JAKMIP1: variants seen among roughly 807,000 people sequenced by gnomAD.
JAKMIP1 encodes janus kinase and microtubule-interacting protein 1.
JAKMIP1 carries 33 observed loss-of-function variants against 113.0 expected under a neutral mutation model. The observed-to-expected ratio is 0.29, with a 90% confidence interval of 0.22 to 0.39. The LOEUF (loss-of-function observed/expected upper bound fraction) is 0.39, where lower values mean the gene tolerates loss of function less well. Ranked by LOEUF, JAKMIP1 falls within the 10% of genes least tolerant of loss-of-function variation. The probability of loss-of-function intolerance (pLI) is 1.00; values close to 1 mark genes in which losing one functional copy is unlikely to be tolerated. For missense variants in JAKMIP1, 813 were observed against 1,080.5 expected (o/e 0.75, Z 3.47); for synonymous variants, 480 against 459.9 (o/e 1.04, Z -0.56).
chr4:6,078,903 C>A (rs116152057), intron 8 of JAKMIP1, 36 bp downstream of exon 8: 352 of 1,611,252 alleles, frequency 2.2e-4, no homozygotes, highest in Admixed American at 3.7e-4. Flanking sequence ...CGTGACACAG[C>A]GGCAAGGTAG....
intron 1 of JAKMIP1, among the ~76,000 whole-genome samples, chr4:6,191,619 T>C (rs761880422): frequency 3.3e-5 from 5 of 152,078 alleles, no homozygotes; most frequent in Admixed American, 1.3e-4. Context: ...ACAGACCTCA[T>C]AGAAGGCAGA....
At chr4:6,119,765 A>G (rs1716430505) in intron 1 of JAKMIP1, among the ~76,000 whole-genome samples, 6 of 152,210 alleles carry the variant, frequency 3.9e-5, no homozygotes, top group Admixed American at 3.9e-4. Flanking sequence ...CACAACCTGC[A>G]AGGTGAGATC....
rs1404612094 is a variant in JAKMIP1 at position 6,116,521 on chromosome 4, G to A, written c.-147-3524C>T. On this transcript the variant is annotated intron_variant, in intron 1 of 20. Coordinates refer to ENST00000409021, the MANE Select transcript of JAKMIP1 (RefSeq NM_001099433.2). The surrounding 1 kb of genome is among the most constrained non-coding windows in gnomAD (Gnocchi z 5.1). The stretch of plus-strand genomic sequence containing the variant: ...GGGGACCTTGGACCTGCTGACCCTG[G>A]ACCTTGTCTGGCATATAGGCCAAGG... Among the ~76,000 whole-genome samples the A allele has an allele frequency of 6.6e-6, 1 of 152,170 alleles. No individual in the cohort carries two copies. Among genetic ancestry groups the A allele is most frequent in the African/African-American group, 2.4e-5 (1 of 41,442 alleles).
rs1720618457 is a variant in JAKMIP1, at chr4:6,081,935, T to C, written c.955-180A>G. ...CAAGTTCTCAGCCTCAGTTTCCTCA[T>C]CTATCAAATGAGAATCACGGCAGCT... is the stretch of plus-strand genomic sequence containing the variant. On this transcript the variant is annotated intron_variant, in intron 5 of 20. Transcript: ENST00000409021. This position sits in a 1 kb window ranked among gnomAD's most constrained non-coding sequence, Gnocchi z 4.6. Among the ~76,000 whole-genome samples, 1 of 152,200 alleles carries C rather than the reference T, an allele frequency of 6.6e-6. No homozygotes were observed.
rs989939474 is a variant in JAKMIP1, at chr4:6,136,344, T to C, written c.-147-23347A>G. 1.3e-5 allele frequency among the ~76,000 whole-genome samples: 2 copies of C among 152,070 alleles called. No homozygotes were observed. Among genetic ancestry groups the C allele is most frequent in the East Asian group, 3.9e-4 (2 of 5,186 alleles). ...CAGTCTGCTTGAACCCAAAAGACCA[T>C]GGGAATATTTAAGTACTTCTGACAA... On this transcript the variant is annotated intron_variant, in intron 1 of 20. Coordinates refer to ENST00000409021, the MANE Select transcript of JAKMIP1 (RefSeq NM_001099433.2). The surrounding 1 kb of genome is among the most constrained non-coding windows in gnomAD (Gnocchi z 5.9).
chr4:6,038,130 C>A (rs1484773447), intron 18 of JAKMIP1, among the ~76,000 whole-genome samples: 1 of 133,584 alleles, frequency 7.5e-6, no homozygotes, highest in African/African-American at 3.1e-5. Context: ...AGTAGCCCTC[C>A]ATCACTGAGG....
chr4:6,158,595 C>A lies in JAKMIP1; in HGVS notation c.-148+41658G>T, dbSNP rs1488638394. Among the ~76,000 whole-genome samples, 1 of 152,156 alleles carries A rather than the reference C, an allele frequency of 6.6e-6. No individual in the cohort carries two copies. The highest frequency in any genetic ancestry group is 2.4e-5 in the African/African-American group (1 of 41,452). ...GGCCTGCGGGAGTGGTCAACTCCAT[C>A]CCATAGGGCCATTTCTCCACCCCCC... On this transcript the variant is annotated intron_variant, in intron 1 of 20. Transcript: ENST00000409021. The surrounding 1 kb of genome is among the most constrained non-coding windows in gnomAD (Gnocchi z 5.3).
rs13116330 is a variant in JAKMIP1, at chr4:6,067,624, G to C, written c.1303-2616C>G. ...ACACAGGTCACCCCCCTGAGCTCCAGGTTCACTCAAGCTCTTCTGCACACA... is the reference window on the plus strand; with the variant it reads ...ACACAGGTCACCCCCCTGAGCTCCACGTTCACTCAAGCTCTTCTGCACACA... On this transcript the variant is annotated intron_variant, in intron 8 of 20. Transcript: ENST00000409021. The surrounding 1 kb of genome is among the most constrained non-coding windows in gnomAD (Gnocchi z 4.6). 6.5e-3 allele frequency among the ~76,000 whole-genome samples: 681 copies of C among 104,304 alleles called. No homozygotes were observed. The highest frequency in any genetic ancestry group is 0.037 in the Middle Eastern group (5 of 134). 68.4% of individuals were successfully genotyped at this position (104,304 alleles called of 152,430 possible). A position where few individuals can be genotyped will look rare whatever the true frequency, so the allele number is the denominator to read the frequency against.
Position 6,084,948 on chromosome 4 carries a change from C to A in JAKMIP1, c.852G>T (p.Glu284Asp). 6.8e-7 allele frequency: 1 copy of A among 1,477,810 alleles called. No homozygotes were observed. The highest frequency in any genetic ancestry group is 9.3e-7 in the Non-Finnish European group (1 of 1,079,324). 91.5% of individuals were successfully genotyped at this position (1,477,810 alleles called of 1,614,324 possible). A position where few individuals can be genotyped will look rare whatever the true frequency, so the allele number is the denominator to read the frequency against. Residue 284 changes from glutamate (E) to aspartate (D), a missense_variant, in exon 5 of 21, where the codon GAG becomes GAT. Transcript: ENST00000409021. ...TTAGTTGAAATCGCCTCACATCTCG[C>A]TCGTCCATATGTTGATCCTAAAAAA... ...LMGVQDQHMD[E>D]RDVRRFQLKI...
rs78735072 is a variant in JAKMIP1 at position 6,146,209 on chromosome 4, G to A, written c.-147-33212C>T. 4.5e-3 allele frequency among the ~76,000 whole-genome samples: 494 copies of A among 110,382 alleles called. 2 individuals are homozygous for A. Among genetic ancestry groups the A allele is most frequent in the African/African-American group, 0.014 (470 of 33,470 alleles). The allele number at this position is 110,382 out of a possible 152,430, so 72.4% of individuals were successfully genotyped here. The stretch of plus-strand genomic sequence containing the variant: ...GTCAAACTCATAGAGACAGAAAGTC[G>A]AATGATAGCTGCCAGGGGCTGGGGG... On this transcript the variant is annotated intron_variant, in intron 1 of 20. Coordinates refer to ENST00000409021, the MANE Select transcript of JAKMIP1 (RefSeq NM_001099433.2).
chr4:6,098,726 G>GAA (rs1560181505), intron 3 of JAKMIP1, among the ~76,000 whole-genome samples: 1,050 of 11,592 alleles, frequency 0.091, 9 homozygotes, highest in Middle Eastern at 0.29. Flanking sequence ...GAAAGAAAAA[G>GAA]AAAGAAAGAG....
At chr4:6,125,950 C>A (rs1717470294) in intron 1 of JAKMIP1, among the ~76,000 whole-genome samples, 1 of 130,674 alleles carries the variant, frequency 7.7e-6, no homozygotes, top group African/African-American at 3.0e-5. Flanking sequence ...CCATACACAC[C>A]ATGCACACGC....
chr4:6,111,701 C>T (rs1011072219), intron 2 of JAKMIP1, among the ~76,000 whole-genome samples: 3 of 152,216 alleles, frequency 2.0e-5, no homozygotes, highest in East Asian at 1.9e-4. Flanking sequence ...CCCTCTGTGA[C>T]AGCCCGTGCT....
At chr4:6,048,337 T>C (rs1339515789) in intron 16 of JAKMIP1, among the ~76,000 whole-genome samples, 2 of 152,220 alleles carry the variant, frequency 1.3e-5, no homozygotes, top group African/African-American at 2.4e-5. Flanking sequence ...ATATATCTTA[T>C]GGGCATATTT....
At chr4:6,126,306 AACAC>A (rs200402377) in intron 1 of JAKMIP1, among the ~76,000 whole-genome samples, 6 of 116,792 alleles carry the variant, frequency 5.1e-5, no homozygotes, top group Admixed American at 1.8e-4. Context: ...ACCATACAGA[AACAC>A]ACACACAAAC....
chr4:6,192,588 G>A lies in JAKMIP1; in HGVS notation c.-148+7665C>T, dbSNP rs149788735. ...GTGAAGCTCAGAAAGATGAAGGAAC[G>A]AGCACTCGATCACAGAGCTAGCAGG... is the stretch of plus-strand genomic sequence containing the variant. On this transcript the variant is annotated intron_variant, in intron 1 of 20. Transcript: ENST00000409021. This position sits in a 1 kb window ranked among gnomAD's most constrained non-coding sequence, Gnocchi z 5.0. 3.3e-5 allele frequency among the ~76,000 whole-genome samples: 5 copies of A among 152,100 alleles called. No individual in the cohort carries two copies. Among genetic ancestry groups the A allele is most frequent in the South Asian group, 2.1e-4 (1 of 4,822 alleles).
chr4:6,053,699 T>G, intron 13 of JAKMIP1: 5 of 914,572 alleles, frequency 5.5e-6, no homozygotes, highest in Non-Finnish European at 5.5e-6. Flanking sequence ...ACCCGGTGAC[T>G]ACGCATGCAG....
intron 1 of JAKMIP1, among the ~76,000 whole-genome samples, chr4:6,151,853 G>C (rs1721606041): frequency 6.6e-6 from 1 of 152,214 alleles, no homozygotes; most frequent in Non-Finnish European, 1.5e-5. Flanking sequence ...CAAACTCATA[G>C]TGTTGTTATG....
intron 1 of JAKMIP1, among the ~76,000 whole-genome samples, chr4:6,117,799 A>T (rs1716052225): frequency 6.6e-6 from 1 of 152,172 alleles, no homozygotes; most frequent in Admixed American, 6.5e-5. Context: ...TGAGAAAAGG[A>T]ATTCAGCGAT....
Sources: gnomAD v4.1 joint callset for allele counts (sites outside exome capture counted in the v4.1 genomes callset) on GRCh38, gnomAD v4.1.1 for gene constraint, Gnocchi (gnomAD v3.1) non-coding constraint, MANE v1.5 for transcripts, NCBI Gene and HGNC (gene_info 2026-07-23, HGNC 2026-07-21) for gene names.